IL17RD: variants seen among roughly 807,000 people sequenced by gnomAD.
The protein encoded by IL17RD is interleukin 17 receptor D.
Under a neutral mutation model 80.5 loss-of-function variants are expected in IL17RD, and 52 were observed. That is an observed-to-expected ratio of 0.65 (90% confidence interval 0.52 to 0.81). IL17RD has a LOEUF of 0.81. IL17RD is among the 40% of genes least tolerant of loss of function. IL17RD has a pLI of 0.00. For missense variants in IL17RD, 1,024 were observed against 955.1 expected, an observed-to-expected ratio of 1.07 and a Z score of -0.95; for synonymous variants, 416 against 391.8, an observed-to-expected ratio of 1.06 and a Z score of -0.73.
chr3:57,100,831 T>C (rs1047797116), intron 11 of IL17RD, among the ~76,000 whole-genome samples: 3 of 152,230 alleles, frequency 2.0e-5, no homozygotes, highest in Non-Finnish European at 4.4e-5. Flanking sequence ...GTCCTGAACA[T>C]GCTCACTAGG....
chr3:57,105,978 T>C lies in IL17RD; in HGVS notation c.626A>G (p.Gln209Arg), dbSNP rs368838643. 23 of 1,613,846 alleles carry C rather than the reference T, an allele frequency of 1.4e-5. No homozygotes were observed. In the African/African-American group the frequency reaches 2.5e-4, roughly 18 times the overall value. Residue 209 changes from glutamine to arginine, a missense_variant, in exon 7 of 13, where the codon CAG becomes CGG. Coordinates refer to ENST00000296318, the MANE Select transcript of IL17RD (RefSeq NM_017563.5). ...FWKPRNLNIS[Q>R]HGSDMQVSFD... ...GGACACCTGCATGTCCGAGCCATGC[T>C]GGCTGATGTTCAGGTTCCGAGGCTT...
At position 57,095,422 on chromosome 3, in the gene IL17RD, A is replaced by C. The variant is rs1301088146; in HGVS notation, c.*971T>G. 1 of 152,260 alleles carries C rather than the reference A, an allele frequency of 6.6e-6. No homozygotes were observed. Among genetic ancestry groups the C allele is most frequent in the East Asian group, 1.9e-4 (1 of 5,204 alleles). 9.4% of individuals were successfully genotyped at this position (152,260 alleles called of 1,614,324 possible). ...TTAGTCAAAACCAGTTCAGCAGATT[A>C]ACTGGCCATCACCTCCACACACTGC... On this transcript the variant is annotated 3_prime_UTR_variant, in exon 13 of 13. Coordinates refer to ENST00000296318, the MANE Select transcript of IL17RD (RefSeq NM_017563.5).
chr3:57,099,777 C>T (rs1352218219), intron 11 of IL17RD, among the ~76,000 whole-genome samples: 1 of 152,106 alleles, frequency 6.6e-6, no homozygotes, highest in Non-Finnish European at 1.5e-5. Flanking sequence ...AATATTGAAC[C>T]ACTGAGATGT....
intron 1 of IL17RD, among the ~76,000 whole-genome samples, chr3:57,129,551 T>A (rs1027049295): frequency 3.3e-5 from 5 of 152,110 alleles, no homozygotes; most frequent in African/African-American, 1.2e-4. Flanking sequence ...GAATTCTGCT[T>A]TTACAGCACA....
chr3:57,101,783 C>G (rs1706836995), intron 10 of IL17RD, among the ~76,000 whole-genome samples: 1 of 152,176 alleles, frequency 6.6e-6, no homozygotes, highest in Admixed American at 6.5e-5. Context: ...AAGTGTACAT[C>G]TCAGTGAATT....
intron 1 of IL17RD, among the ~76,000 whole-genome samples, chr3:57,142,073 T>C (rs1400882844): frequency 6.6e-6 from 1 of 152,200 alleles, no homozygotes; most frequent in African/African-American, 2.4e-5. Context: ...AACTCTCCCT[T>C]TCCCACTGAC....
intron 1 of IL17RD, among the ~76,000 whole-genome samples, chr3:57,163,211 T>C (rs1341433054): frequency 2.0e-5 from 3 of 152,146 alleles, no homozygotes; most frequent in Non-Finnish European, 4.4e-5. Context: ...GCCTCTACGA[T>C]CGTCCAGGAG....
chr3:57,160,045 G>A (rs768026813), intron 1 of IL17RD, among the ~76,000 whole-genome samples: 11 of 152,170 alleles, frequency 7.2e-5, no homozygotes, highest in African/African-American at 1.4e-4. Flanking sequence ...GGTGGTGGAC[G>A]CCTGTAATCC....
chr3:57,107,918 TTAAA>T (rs747083323), intron 5 of IL17RD, among the ~76,000 whole-genome samples: 1 of 152,100 alleles, frequency 6.6e-6, no homozygotes, highest in Non-Finnish European at 1.5e-5. Context: ...CACATGGACA[TTAAA>T]TAAACAGAAC....
chr3:57,102,378 C>T (rs1706852467), intron 10 of IL17RD, 101 bp downstream of exon 10: 7 of 499,214 alleles, frequency 1.4e-5, no homozygotes, highest in Admixed American at 3.7e-5. Context: ...GCTTCCCAGG[C>T]GCCATCCTGG....
Position 57,165,351 on chromosome 3 carries a change from A to G in IL17RD, c.-65T>C, listed in dbSNP as rs1227244775. On this transcript the variant is annotated 5_prime_UTR_variant, in exon 1 of 13. Coordinates refer to ENST00000296318, the MANE Select transcript of IL17RD (RefSeq NM_017563.5). ...GGCCGCCCGCCGCTGGCCAGCCCCGAGTGGGCGGTGGCCGCGGCGGCCGCG... is the reference window on the plus strand; with the variant it reads ...GGCCGCCCGCCGCTGGCCAGCCCCGGGTGGGCGGTGGCCGCGGCGGCCGCG... 5 of 1,194,200 alleles carry G rather than the reference A, an allele frequency of 4.2e-6. No individual in the cohort carries two copies. The South Asian group carries it at 1.6e-4, about 38-fold the overall frequency. 74.0% of individuals were successfully genotyped at this position (1,194,200 alleles called of 1,614,324 possible).
At chr3:57,119,943 T>G (rs373176177) in intron 2 of IL17RD, among the ~76,000 whole-genome samples, 1 of 152,254 alleles carries the variant, frequency 6.6e-6, no homozygotes, top group South Asian at 2.1e-4. Context: ...TGGGGCAACT[T>G]TGTTTATGTG....
chr3:57,158,094 T>A (rs1472238024), intron 1 of IL17RD, among the ~76,000 whole-genome samples: 1 of 152,224 alleles, frequency 6.6e-6, no homozygotes, highest in Non-Finnish European at 1.5e-5. Flanking sequence ...AATGTAAATA[T>A]CCATCCAAAC....
chr3:57,096,970 AT>A (rs1706692118), intron 12 of IL17RD, among the ~76,000 whole-genome samples: 2 of 150,524 alleles, frequency 1.3e-5, no homozygotes, highest in Non-Finnish European at 2.9e-5. Context: ...AGATCATGCC[AT>A]TGCAGCCTGG....
At chr3:57,150,694 A>G (rs549485876) in intron 1 of IL17RD, among the ~76,000 whole-genome samples, 13 of 152,280 alleles carry the variant, frequency 8.5e-5, no homozygotes, top group Non-Finnish European at 1.6e-4. Context: ...AGAGATCGGG[A>G]CTCAAATTAC....
At chr3:57,148,612 C>A (rs1298262043) in intron 1 of IL17RD, among the ~76,000 whole-genome samples, 2 of 152,164 alleles carry the variant, frequency 1.3e-5, no homozygotes, top group African/African-American at 4.8e-5. Context: ...AAAAGTAACA[C>A]TAAGATAACA....
intron 2 of IL17RD, among the ~76,000 whole-genome samples, chr3:57,118,228 T>C (rs1661264534): frequency 6.6e-6 from 1 of 152,224 alleles, no homozygotes; most frequent in African/African-American, 2.4e-5. Context: ...TTCATTAGCA[T>C]CTACCCAGCA....
rs1706640614 is a variant in IL17RD, at chr3:57,095,059, A to T, written c.*1334T>A. 6.6e-6 allele frequency: 1 copy of T among 152,512 alleles called. No homozygotes were observed. Among genetic ancestry groups the T allele is most frequent in the African/African-American group, 2.4e-5 (1 of 41,452 alleles). 9.4% of individuals were successfully genotyped at this position (152,512 alleles called of 1,614,324 possible). A position where few individuals can be genotyped will look rare whatever the true frequency, so the allele number is the denominator to read the frequency against. On this transcript the variant is annotated 3_prime_UTR_variant, in exon 13 of 13. Transcript: ENST00000296318. ...ATCCCACCTCCCACCTTGCCTCAGG[A>T]TGTTTCTCAACATACCCCTTCATGT...
At chr3:57,138,684 C>T (rs1707774301) in intron 1 of IL17RD, among the ~76,000 whole-genome samples, 1 of 151,882 alleles carries the variant, frequency 6.6e-6, no homozygotes, top group Non-Finnish European at 1.5e-5. Flanking sequence ...ACCTGTAATC[C>T]CAGCACTTTG....
Sources: allele counts gnomAD v4.1 joint callset (sites outside exome capture counted in the v4.1 genomes callset), GRCh38; gene constraint gnomAD v4.1.1; transcripts MANE v1.5; gene names NCBI Gene and HGNC (gene_info 2026-07-23, HGNC 2026-07-21).